Variants in SPX observed in about 807,000 individuals in gnomAD.
SPX encodes spexin hormone.
SPX carries 22 observed loss-of-function variants against 19.2 expected under a neutral mutation model. The observed-to-expected ratio is 1.15, with a 90% CI of 0.82 to 1.64. SPX has a LOEUF of 1.64. Among genes scored for constraint, SPX ranks in the 40% most tolerant of loss-of-function variants. The pLI is 0.00. For synonymous variants in SPX, 50 were observed against 53.3 expected (o/e 0.94, Z 0.27); for missense variants, 143 against 137.7 (o/e 1.04, Z -0.19).
chr12:21,527,909 T>A, intron 4 of SPX, 120 bp downstream of exon 4: 2 of 1,193,410 alleles, frequency 1.7e-6, no homozygotes, highest in Non-Finnish European at 2.4e-6. Context: ...GACGCGGCTC[T>A]GAGGCGCCCT....
rs1565588132 is a variant in SPX, at chr12:21,532,516, A to G, written c.*1321A>G. 1 of 152,198 alleles carries G rather than the reference A, an allele frequency of 6.6e-6. No individual in the cohort carries two copies. The highest frequency in any genetic ancestry group is 1.5e-5 in the Non-Finnish European group (1 of 68,022). The allele number at this position is 152,198 out of a possible 1,614,324, so 9.4% of individuals were successfully genotyped here. A position where few individuals can be genotyped will look rare whatever the true frequency, so the allele number is the denominator to read the frequency against. ...AACTTGTGAGCATTAAAATATCTGT[A>G]TGGCATTATAATAGGCACCTGTCAT... On this transcript the variant is annotated 3_prime_UTR_variant, in exon 6 of 6. Transcript: ENST00000256969.
rs746762239 is a variant in SPX, at chr12:21,532,702, T to C, written c.*1507T>C. The C allele has an allele frequency of 1.3e-5, 2 of 152,202 alleles. No homozygotes were observed. Among genetic ancestry groups the C allele is most frequent in the African/African-American group, 2.4e-5 (1 of 41,452 alleles). 9.4% of individuals were successfully genotyped at this position (152,202 alleles called of 1,614,324 possible). A position where few individuals can be genotyped will look rare whatever the true frequency, so the allele number is the denominator to read the frequency against. On this transcript the variant is annotated 3_prime_UTR_variant, in exon 6 of 6. Coordinates refer to ENST00000256969, the MANE Select transcript of SPX (RefSeq NM_030572.4). ...AATTATTTACCCATCAGACATAAAA[T>C]TGTACAAATTGACTATTCAAAATAG... is the stretch of plus-strand genomic sequence containing the variant.
Position 21,531,137 on chromosome 12 carries a change from A to G in SPX, c.293A>G (p.Asp98Gly). Residue 98 changes from aspartate to glycine, a missense_variant and splice_region_variant, in exon 6 of 6, where the codon GAT (aspartate) becomes GGT (glycine). Transcript: ENST00000256969. ...LLASLQKSPEDEEKNFDQTRF... is the reference protein window; with the variant it reads ...LLASLQKSPEGEEKNFDQTRF... ...TTTAAAGAATTTTTTTTTCTTACAG[A>G]TGAAGAAAAAAACTTTGATCAAACC... 4 of 1,566,818 alleles carry G rather than the reference A, an allele frequency of 2.6e-6. No homozygotes were observed. Among genetic ancestry groups the G allele is most frequent in the African/African-American group, 1.4e-5 (1 of 72,884 alleles).
intron 5 of SPX, among the ~76,000 whole-genome samples, chr12:21,530,658 C>T (rs1943856340): frequency 6.6e-6 from 1 of 152,160 alleles, no homozygotes; most frequent in Non-Finnish European, 1.5e-5. Flanking sequence ...AAACGAGTGC[C>T]TCTTCTTTTT....
rs778935235 is a variant in SPX at position 21,527,142 on chromosome 12, T to C, written c.95T>C (p.Leu32Ser). Residue 32 changes from leucine (L) to serine (S), a missense_variant, in exon 3 of 6, where the codon TTG becomes TCG. By Grantham distance (145) the Leu-to-Ser change is moderately radical (BLOSUM62 -2). Transcript: ENST00000256969. ...CCTTCCCCCGGGCTATAGAGACTGT[T>C]GGAGAGAAGGAACTGGACTCCTCAA... ...GNSSCAPQRL[L>S]ERRNWTPQAM... is the part of the protein sequence containing the mutation. 2.5e-6 allele frequency: 4 copies of C among 1,613,986 alleles called. No individual in the cohort carries two copies. The South Asian group carries it at 4.4e-5, about 18-fold the overall frequency.
intron 5 of SPX, among the ~76,000 whole-genome samples, chr12:21,529,821 A>T (rs1488959370): frequency 6.6e-6 from 1 of 152,246 alleles, no homozygotes; most frequent in Non-Finnish European, 1.5e-5. Flanking sequence ...CGGGTAGAGG[A>T]TGCTGTATCC....
chr12:21,529,334 T>G (rs1014976260), intron 5 of SPX, among the ~76,000 whole-genome samples: 1 of 152,064 alleles, frequency 6.6e-6, no homozygotes, highest in Non-Finnish European at 1.5e-5. Context: ...ATCATGAGAA[T>G]GGAGATACCT....
intron 5 of SPX, among the ~76,000 whole-genome samples, chr12:21,530,370 T>C (rs997092845): frequency 6.6e-6 from 1 of 152,200 alleles, no homozygotes; most frequent in African/African-American, 2.4e-5. Flanking sequence ...TTTTCTGCAA[T>C]GGTTTAAAGT....
intron 3 of SPX, 117 bp downstream of exon 3, chr12:21,527,309 G>C: frequency 9.3e-7 from 1 of 1,072,360 alleles, no homozygotes; most frequent in South Asian, 1.3e-5. Context: ...TTAAATCATC[G>C]AGGCCATCAA....
chr12:21,531,282 AT>A lies in SPX; in HGVS notation c.*90del, dbSNP rs1399900575. The A allele has an allele frequency of 9.4e-6, 9 of 959,196 alleles. No individual in the cohort carries two copies. Among genetic ancestry groups the A allele is most frequent in the Non-Finnish European group, 1.4e-5 (9 of 647,866 alleles). 59.4% of individuals were successfully genotyped at this position (959,196 alleles called of 1,614,324 possible). The stretch of plus-strand genomic sequence containing the variant: ...TAAAACCTTTGGACCCTTTTATTCC[AT>A]TTGTAATCTTAAGAACACACACAGA... On this transcript the variant is annotated 3_prime_UTR_variant, in exon 6 of 6. Coordinates refer to ENST00000256969, the MANE Select transcript of SPX (RefSeq NM_030572.4).
chr12:21,526,886 G>A lies in SPX; in HGVS notation c.7G>A (p.Gly3Arg). The change falls in exon 2 of 6, where the codon GGA (glycine) becomes AGA (arginine). Residue 3 changes from glycine to arginine, a missense_variant and splice_region_variant. Gly to Arg is a moderately radical substitution (Grantham distance 125). Coordinates refer to ENST00000256969, the MANE Select transcript of SPX (RefSeq NM_030572.4). MKGLRSLAATTLA... is the reference protein window; with the variant it reads MKRLRSLAATTLA... The stretch of plus-strand genomic sequence containing the variant: ...CTTTCTGGTTGATCGCTTCATATAG[G>A]GACTCAGAAGTCTGGCAGCAACAAC... 1 of 1,614,006 alleles carries A rather than the reference G, an allele frequency of 6.2e-7. No homozygotes were observed. The highest frequency in any genetic ancestry group is 8.5e-7 in the Non-Finnish European group (1 of 1,179,900).
chr12:21,531,346 G>T lies in SPX; in HGVS notation c.*151G>T. ...TTCAGAAACAAAATATATATAGGATGCTTAGCTGAGAACATCATCTTCTTT... is the reference window on the plus strand; with the variant it reads ...TTCAGAAACAAAATATATATAGGATTCTTAGCTGAGAACATCATCTTCTTT... On this transcript the variant is annotated 3_prime_UTR_variant, in exon 6 of 6. Transcript: ENST00000256969. The T allele has an allele frequency of 1.8e-6, 1 of 550,490 alleles. No individual in the cohort carries two copies. Among genetic ancestry groups the T allele is most frequent in the Non-Finnish European group, 3.1e-6 (1 of 326,640 alleles). The allele number at this position is 550,490 out of a possible 1,614,324, so 34.1% of individuals were successfully genotyped here. A position where few individuals can be genotyped will look rare whatever the true frequency, so the allele number is the denominator to read the frequency against.
intron 4 of SPX, among the ~76,000 whole-genome samples, chr12:21,528,482 A>C (rs1459476329): frequency 6.6e-6 from 1 of 152,240 alleles, no homozygotes; most frequent in Non-Finnish European, 1.5e-5. Flanking sequence ...ACTTGGAAAA[A>C]TACCAAACAC....
At chr12:21,530,673 C>A (rs1015259792) in intron 5 of SPX, among the ~76,000 whole-genome samples, 1 of 152,140 alleles carries the variant, frequency 6.6e-6, no homozygotes, top group African/African-American at 2.4e-5. Flanking sequence ...CTTTTTGTCT[C>A]ATTTCCTCCC....
chr12:21,527,628 C>T (rs889224301), intron 3 of SPX, 99 bp from the exon 4 acceptor site: 1 of 1,257,802 alleles, frequency 8.0e-7, no homozygotes, highest in Non-Finnish European at 1.1e-6. Flanking sequence ...CTGCCCCCTC[C>T]CCACGCCCGG....
Position 21,531,201 on chromosome 12 carries a change from T to C in SPX, c.*6T>C. 6 of 1,577,826 alleles carry C rather than the reference T, an allele frequency of 3.8e-6. No individual in the cohort carries two copies. Among genetic ancestry groups the C allele is most frequent in the Non-Finnish European group, 5.2e-6 (6 of 1,155,040 alleles). ...ACAGTCTGCTTAACTGGTGAAAATA[T>C]ACTGGATTATGTTTAATTATGGTTC... On this transcript the variant is annotated 3_prime_UTR_variant, in exon 6 of 6. Coordinates refer to ENST00000256969, the MANE Select transcript of SPX (RefSeq NM_030572.4).
chr12:21,527,165 C>G lies in SPX; in HGVS notation c.118C>G (p.Gln40Glu). ...GTTGGAGAGAAGGAACTGGACTCCT[C>G]AAGCTATGCTCTACCTGAAAGGGGC... ...RLLERRNWTP[Q>E]AMLYLKGAQG... Residue 40 changes from glutamine to glutamate, a missense_variant, in exon 3 of 6, where the codon CAA becomes GAA. Physicochemically the swap from Gln to Glu is conservative, Grantham distance 29 (BLOSUM62 2). Coordinates refer to ENST00000256969, the MANE Select transcript of SPX (RefSeq NM_030572.4). 1 of 1,614,034 alleles carries G rather than the reference C, an allele frequency of 6.2e-7. No individual in the cohort carries two copies. The highest frequency in any genetic ancestry group is 8.5e-7 in the Non-Finnish European group (1 of 1,179,990).
intron 3 of SPX, 24 bp from the exon 4 acceptor site, chr12:21,527,703 G>T: frequency 6.4e-7 from 1 of 1,556,936 alleles, no homozygotes; most frequent in Non-Finnish European, 8.7e-7. Context: ...GGCTGTCGCT[G>T]AGCCCCAGGT....
Position 21,531,150 on chromosome 12 carries a change from CTT to C in SPX, c.308_309del (p.Phe103Ter). The C allele has an allele frequency of 6.3e-7, 1 of 1,586,702 alleles. No individual in the cohort carries two copies. Among genetic ancestry groups the C allele is most frequent in the Non-Finnish European group, 8.6e-7 (1 of 1,164,464 alleles). Reference sequence around the variant, plus strand: ...TTTTTCTTACAGATGAAGAAAAAAACTTTGATCAAACCAGATTCCTGGAAGAC... The same window carrying C: ...TTTTTCTTACAGATGAAGAAAAAAACTGATCAAACCAGATTCCTGGAAGAC... ...QKSPEDEEKN[F>X]DQTRFLEDSL... On this transcript the variant is annotated frameshift_variant, in exon 6 of 6. Transcript: ENST00000256969. LOFTEE classifies it high-confidence loss of function.
Sources: gnomAD v4.1 joint callset for allele counts (sites outside exome capture counted in the v4.1 genomes callset) on GRCh38, gnomAD v4.1.1 for gene constraint, MANE v1.5 for transcripts, NCBI Gene and HGNC (gene_info 2026-07-23, HGNC 2026-07-21) for gene names.